The following FECH variants were observed in gnomAD, a reference collection of about 807,000 sequenced individuals.
FECH encodes the protein ferrochelatase.
In FECH, 40 loss-of-function variants were observed where a neutral mutation model predicts 56.9. That is an observed-to-expected ratio of 0.70 (90% CI 0.55 to 0.92). FECH has a LOEUF of 0.92. FECH is among the 40% of genes least tolerant of loss of function. The pLI, the probability that FECH is intolerant of heterozygous loss-of-function variation, is 0.00. For missense variants in FECH, 431 were observed against 529.1 expected, an observed-to-expected ratio of 0.81 and a Z score of 1.82; for synonymous variants, 175 against 198.6, an observed-to-expected ratio of 0.88 and a Z score of 1.00.
At chr18:57,576,113 C>T (rs1281120907) in intron 2 of FECH, among the ~76,000 whole-genome samples, 1 of 152,174 alleles carries the variant, frequency 6.6e-6, no homozygotes, top group Non-Finnish European at 1.5e-5. Flanking sequence ...CATACCTGGC[C>T]TCTACCTGTA....
intron 4 of FECH, chr18:57,567,999 T>C (rs1402256215): frequency 6.6e-6 from 1 of 152,238 alleles, no homozygotes; most frequent in African/African-American, 2.4e-5. Flanking sequence ...TCACAGGACA[T>C]GATCCCATAA....
In FECH at chr18:57,573,231, T is replaced by TTA. The variant is rs767896803; in HGVS notation, c.314+13_314+14dup. ...AGTGCCAAGGTTATAATTGAGGTGTTTATATATATCTCACTTCTGAATAGG... is the reference window on the plus strand; with the variant it reads ...AGTGCCAAGGTTATAATTGAGGTGTTTATATATATATCTCACTTCTGAATAGG... On this transcript the variant is annotated intron_variant, in intron 3 of 10. Coordinates refer to ENST00000262093, the MANE Select transcript of FECH (RefSeq NM_000140.5). The TTA allele has an allele frequency of 1.9e-6, 3 of 1,611,910 alleles. No individual in the cohort carries two copies. Among genetic ancestry groups the TTA allele is most frequent in the Non-Finnish European group, 2.5e-6 (3 of 1,177,968 alleles).
At chr18:57,568,932 T>C (rs2051054912) in intron 4 of FECH, among the ~76,000 whole-genome samples, 2 of 152,206 alleles carry the variant, frequency 1.3e-5, no homozygotes. Context: ...GATTATCGCA[T>C]TTAATTTTCA....
Position 57,546,525 on chromosome 18 carries a change from G to A in FECH, c.*4187C>T, listed in dbSNP as rs1394110210. On this transcript the variant is annotated 3_prime_UTR_variant, in exon 11 of 11. Transcript: ENST00000262093. ...GATAAGCACAATGGCATCACATTGA[G>A]CAAAGGATCTCTTTTACATGCCTTA... 6.6e-6 allele frequency among the ~76,000 whole-genome samples: 1 copy of A among 152,180 alleles called. No individual in the cohort carries two copies. The highest frequency in any genetic ancestry group is 2.4e-5 in the African/African-American group (1 of 41,436).
intron 4 of FECH, among the ~76,000 whole-genome samples, chr18:57,569,159 C>G (rs930905211): frequency 2.6e-5 from 4 of 152,248 alleles, no homozygotes; most frequent in African/African-American, 7.2e-5. Flanking sequence ...AACAGTTAAA[C>G]TATAATTTGC....
Position 57,580,060 on chromosome 18 carries a change from G to A in FECH, c.194+13C>T. On this transcript the variant is annotated intron_variant, in intron 2 of 10. Coordinates refer to ENST00000262093, the MANE Select transcript of FECH (RefSeq NM_000140.5). ...AGAGAAATTCTTATTTGTACCTGAT[G>A]TTAGACTCATACCTCTTCTGCGGTT... 6.2e-7 allele frequency: 1 copy of A among 1,613,970 alleles called. No individual in the cohort carries two copies. The highest frequency in any genetic ancestry group is 2.2e-5 in the East Asian group (1 of 44,888).
In FECH at chr18:57,565,976, T is replaced by C. The variant is rs554846342; in HGVS notation, c.598+471A>G. Among the ~76,000 whole-genome samples the C allele has an allele frequency of 1.5e-4, 23 of 152,310 alleles. 1 individual carries two copies. In the South Asian group the frequency reaches 3.9e-3, roughly 26 times the overall value. Reference sequence around the variant, plus strand: ...AAGGGAACCCCAAACTGGGCTTTAGTTTTACCAGCAACCAACTCATAACTG... The same window carrying C: ...AAGGGAACCCCAAACTGGGCTTTAGCTTTACCAGCAACCAACTCATAACTG... On this transcript the variant is annotated intron_variant, in intron 5 of 10. Coordinates refer to ENST00000262093, the MANE Select transcript of FECH (RefSeq NM_000140.5).
Position 57,551,299 on chromosome 18 carries a change from G to A in FECH, c.1137+16C>T, listed in dbSNP as rs746593629. ...TCTGGTATGTTCTACTAAAACGATT[G>A]TAACACTGTAGATACCTTAGAGAAC... is the stretch of plus-strand genomic sequence containing the variant. On this transcript the variant is annotated intron_variant, in intron 10 of 10. Coordinates refer to ENST00000262093, the MANE Select transcript of FECH (RefSeq NM_000140.5). 3 of 1,588,846 alleles carry A rather than the reference G, an allele frequency of 1.9e-6. No individual in the cohort carries two copies. Among genetic ancestry groups the A allele is most frequent in the Admixed American group, 3.3e-5 (2 of 59,952 alleles).
At position 57,551,294 on chromosome 18, in the gene FECH, C is replaced by T. The variant is rs186440873; in HGVS notation, c.1137+21G>A. 7.9e-4 allele frequency: 1,249 copies of T among 1,580,516 alleles called. 21 individuals carry two copies. The South Asian group carries it at 0.011, about 14-fold the overall frequency. ...TACTCTCTGGTATGTTCTACTAAAA[C>T]GATTGTAACACTGTAGATACCTTAG... On this transcript the variant is annotated intron_variant, in intron 10 of 10. Coordinates refer to ENST00000262093, the MANE Select transcript of FECH (RefSeq NM_000140.5).
rs57189114 is a variant in FECH at position 57,565,572 on chromosome 18, G to GA, written c.598+874dup. Among the ~76,000 whole-genome samples the GA allele has an allele frequency of 5.2e-3, 683 of 132,408 alleles. 8 individuals are homozygous for GA. Among genetic ancestry groups the GA allele is most frequent in the African/African-American group, 0.017 (594 of 35,366 alleles). The allele number at this position is 132,408 out of a possible 152,430, so 86.9% of individuals were successfully genotyped here. A position where few individuals can be genotyped will look rare whatever the true frequency, so the allele number is the denominator to read the frequency against. ...AATGACAGAGCAAGATACCATCTCA[G>GA]AAAAAAAAAAAAAAAGAAAGAAATG... On this transcript the variant is annotated intron_variant, in intron 5 of 10. Coordinates refer to ENST00000262093, the MANE Select transcript of FECH (RefSeq NM_000140.5).
chr18:57,562,849 A>T (rs2050962907), intron 6 of FECH, 25 bp downstream of exon 6: 1 of 1,586,146 alleles, frequency 6.3e-7, no homozygotes, highest in East Asian at 2.2e-5. Flanking sequence ...CTGGGGTGAC[A>T]GGCAGCTGGC....
Position 57,545,237 on chromosome 18 carries a change from T to G in FECH, c.*5475A>C, listed in dbSNP as rs2050704620. Among the ~76,000 whole-genome samples the G allele has an allele frequency of 6.6e-6, 1 of 152,192 alleles. No homozygotes were observed. Among genetic ancestry groups the G allele is most frequent in the South Asian group, 2.1e-4 (1 of 4,824 alleles). On this transcript the variant is annotated 3_prime_UTR_variant, in exon 11 of 11. Coordinates refer to ENST00000262093, the MANE Select transcript of FECH (RefSeq NM_000140.5). ...CTACCCAAGGGCTTATAACAAAGGC[T>G]CAAAGCAGGCTTTTTTCCAAAAATG...
At chr18:57,580,997 G>C (rs1038697477) in intron 1 of FECH, among the ~76,000 whole-genome samples, 4 of 152,186 alleles carry the variant, frequency 2.6e-5, no homozygotes, top group African/African-American at 9.7e-5. Flanking sequence ...GAGTGGAACT[G>C]GGCATGAAGA....
At position 57,549,335 on chromosome 18, in the gene FECH, C is replaced by T. The variant is rs2050764292; in HGVS notation, c.*1377G>A. 6.7e-6 allele frequency: 1 copy of T among 149,554 alleles called. No homozygotes were observed. The highest frequency in any genetic ancestry group is 2.5e-5 in the African/African-American group (1 of 40,556). The allele number at this position is 149,554 out of a possible 1,614,324, so 9.3% of individuals were successfully genotyped here. A position where few individuals can be genotyped will look rare whatever the true frequency, so the allele number is the denominator to read the frequency against. On this transcript the variant is annotated 3_prime_UTR_variant, in exon 11 of 11. Coordinates refer to ENST00000262093, the MANE Select transcript of FECH (RefSeq NM_000140.5). ...AGCATGAATCAAACTTAGCTAAAACCTTAATGATGTTGTAATATTTATTAA... is the reference window on the plus strand; with the variant it reads ...AGCATGAATCAAACTTAGCTAAAACTTTAATGATGTTGTAATATTTATTAA...
chr18:57,549,965 G>C lies in FECH; in HGVS notation c.*747C>G, dbSNP rs923670337. The C allele has an allele frequency of 6.6e-6, 1 of 152,268 alleles. No individual in the cohort carries two copies. The allele number at this position is 152,268 out of a possible 1,614,324, so 9.4% of individuals were successfully genotyped here. A position where few individuals can be genotyped will look rare whatever the true frequency, so the allele number is the denominator to read the frequency against. ...CCAGCAGCACTGTCCCTGGAGACCA[G>C]AAGCAGTGGGAGCCCCTTCCCTGTG... is the stretch of plus-strand genomic sequence containing the variant. On this transcript the variant is annotated 3_prime_UTR_variant, in exon 11 of 11. Transcript: ENST00000262093.
At chr18:57,573,442 C>G in intron 2 of FECH, 77 bp from the exon 3 acceptor site, 1 of 1,535,226 alleles carries the variant, frequency 6.5e-7, no homozygotes. Flanking sequence ...GTTCAGCCAG[C>G]AAACTCTAAT....
rs916900847 is a variant in FECH at position 57,546,346 on chromosome 18, C to A, written c.*4366G>T. On this transcript the variant is annotated 3_prime_UTR_variant, in exon 11 of 11. Coordinates refer to ENST00000262093, the MANE Select transcript of FECH (RefSeq NM_000140.5). ...CGTTGGGCAAGGTGGTCCTTTGCCGCATCGACAGGAGCTCATACGGCAGAG... is the reference window on the plus strand; with the variant it reads ...CGTTGGGCAAGGTGGTCCTTTGCCGAATCGACAGGAGCTCATACGGCAGAG... 2.6e-5 allele frequency among the ~76,000 whole-genome samples: 4 copies of A among 152,170 alleles called. No individual in the cohort carries two copies. The highest frequency in any genetic ancestry group is 9.7e-5 in the African/African-American group (4 of 41,444).
At position 57,566,703 on chromosome 18, in the gene FECH, C is replaced by T. The variant is rs1415931452; in HGVS notation, c.464-122G>A. On this transcript the variant is annotated intron_variant, in intron 4 of 10. Transcript: ENST00000262093. Reference sequence around the variant, plus strand: ...TTCATGTAATTTCCTATGGCACTGACGGTGAAGGCAAGTTTAGCATATTCC... The same window carrying T: ...TTCATGTAATTTCCTATGGCACTGATGGTGAAGGCAAGTTTAGCATATTCC... The T allele has an allele frequency of 1.8e-5, 22 of 1,207,182 alleles. No homozygotes were observed. The East Asian group carries it at 2.2e-4, about 12-fold the overall frequency. 74.8% of individuals were successfully genotyped at this position (1,207,182 alleles called of 1,614,324 possible). A position where few individuals can be genotyped will look rare whatever the true frequency, so the allele number is the denominator to read the frequency against.
At chr18:57,573,180 C>T (rs1410308596) in intron 3 of FECH, 66 bp downstream of exon 3, 9 of 1,512,562 alleles carry the variant, frequency 6.0e-6, no homozygotes, top group Non-Finnish European at 7.4e-6. Context: ...TTTGAAACTA[C>T]AGAATTGAGA....
Sources: gnomAD v4.1 joint callset for allele counts (sites outside exome capture counted in the v4.1 genomes callset) on GRCh38, gnomAD v4.1.1 for gene constraint, MANE v1.5 for transcripts, NCBI Gene and HGNC (gene_info 2026-07-23, HGNC 2026-07-21) for gene names.